RBFOX3: variants seen among roughly 807,000 people sequenced by gnomAD.
RBFOX3 encodes the protein RNA binding fox-1 homolog 3.
In RBFOX3, 17 loss-of-function variants were observed where a neutral mutation model predicts 48.7. The observed-to-expected ratio is 0.35, with a 90% confidence interval of 0.24 to 0.52. The LOEUF is 0.52. RBFOX3 is among the 20% of genes least tolerant of loss of function. The probability of loss-of-function intolerance (pLI) is 0.94; values close to 1 mark genes in which losing one functional copy is unlikely to be tolerated. For synonymous variants in RBFOX3, 212 were observed against 209.5 expected, an observed-to-expected ratio of 1.01 and a Z score of -0.10; for missense variants, 382 against 497.5, an observed-to-expected ratio of 0.77 and a Z score of 2.21.
chr17:79,229,437 C>T (rs1213536119), intron 4 of RBFOX3, among the ~76,000 whole-genome samples: 1 of 150,898 alleles, frequency 6.6e-6, no homozygotes, highest in Non-Finnish European at 1.5e-5. Flanking sequence ...TGCACATCTG[C>T]AATCCCAGCT....
chr17:79,629,054 C>T, the RBFOX3 span, among the ~76,000 whole-genome samples: 9 of 152,270 alleles, frequency 5.9e-5, no homozygotes, highest in East Asian at 5.8e-4. Context: ...TTGAAGTGAC[C>T]GGCTCTGGGG....
chr17:79,096,572 G>C, intron 12 of RBFOX3, 81 bp downstream of exon 12: 2 of 1,256,456 alleles, frequency 1.6e-6, no homozygotes, highest in Admixed American at 4.1e-5. Flanking sequence ...GGAGCGGGCA[G>C]TGAGAGAGGA....
rs1028041692 is a variant in RBFOX3, at chr17:79,096,768, G to A, written c.821C>T (p.Pro274Leu). ...GGCCGGCTCCGGTGTCTGCTGAGGA[G>A]GGAGGGGGCACGGTGCCAGCCCCGC... ...PWAGLAPCPL[P>L]PQQTPEPAYP... is the part of the protein sequence containing the mutation. Residue 274 changes from proline to leucine, a missense_variant, in exon 12 of 15, where the codon CCT (proline) becomes CTT (leucine). Physicochemically the swap from Pro to Leu is moderately conservative, Grantham distance 98 (BLOSUM62 -3). Coordinates refer to ENST00000693108, the MANE Select transcript of RBFOX3 (RefSeq NM_001350451.2). The A allele has an allele frequency of 2.9e-6, 4 of 1,366,476 alleles. No homozygotes were observed. Among genetic ancestry groups the A allele is most frequent in the South Asian group, 2.5e-5 (2 of 80,322 alleles). The allele number at this position is 1,366,476 out of a possible 1,614,324, so 84.6% of individuals were successfully genotyped here. A position where few individuals can be genotyped will look rare whatever the true frequency, so the allele number is the denominator to read the frequency against.
rs764864036 is a variant in RBFOX3 at position 79,108,955 on chromosome 17, G to A, written c.223-2167C>T. On this transcript the variant is annotated intron_variant, in intron 5 of 14. Coordinates refer to ENST00000693108, the MANE Select transcript of RBFOX3 (RefSeq NM_001350451.2). ...TTCCTGATGCAGCTCTGTCCCCTGC[G>A]TTGAACAGCGAGGATGCAGCACACA... Among the ~76,000 whole-genome samples the A allele has an allele frequency of 1.5e-4, 23 of 152,380 alleles. 1 individual carries two copies. Among genetic ancestry groups the A allele is most frequent in the African/African-American group, 3.4e-4 (14 of 41,594 alleles).
chr17:79,313,632 G>C (rs1346706270), intron 2 of RBFOX3, among the ~76,000 whole-genome samples: 1 of 152,160 alleles, frequency 6.6e-6, no homozygotes, highest in Non-Finnish European at 1.5e-5. Flanking sequence ...TCTTCCTGGA[G>C]ATAAAGTGAG....
At chr17:79,412,443 TG>T (rs2064555898) in intron 2 of RBFOX3, among the ~76,000 whole-genome samples, 1 of 151,992 alleles carries the variant, frequency 6.6e-6, no homozygotes, top group African/African-American at 2.4e-5. Flanking sequence ...GTGTGTGATA[TG>T]TGTGAGCGTA....
chr17:79,223,005 T>G (rs934466421), intron 4 of RBFOX3, among the ~76,000 whole-genome samples: 2 of 152,158 alleles, frequency 1.3e-5, no homozygotes, highest in African/African-American at 2.4e-5. Flanking sequence ...CACCTTTTCC[T>G]GCATGCCCTG....
the RBFOX3 span, among the ~76,000 whole-genome samples, chr17:79,620,293 G>A: frequency 4.9e-5 from 7 of 143,892 alleles, no homozygotes; most frequent in Admixed American, 2.1e-4. Context: ...GCGCACACAC[G>A]CACACACGCA....
chr17:79,614,912 A>G (rs1226973880), upstream of RBFOX3, among the ~76,000 whole-genome samples: 1 of 152,136 alleles, frequency 6.6e-6, no homozygotes, highest in Non-Finnish European at 1.5e-5. Context: ...CGACCCCCAT[A>G]GGGCCCCCAG....
intron 4 of RBFOX3, 165 bp downstream of exon 4, chr17:79,235,601 C>G (rs1397056351): frequency 6.5e-6 from 1 of 153,404 alleles, no homozygotes; most frequent in African/African-American, 2.4e-5. Context: ...CACAGAGGTG[C>G]TAAACGGCGC....
rs1166025950 is a variant in RBFOX3 at position 79,299,778 on chromosome 17, G to C, written c.-74+7946C>G. ...TAGGACAGACGCAAACAGAGGGATG[G>C]CCACATAAGGACATGGAGAAGACGG... On this transcript the variant is annotated intron_variant, in intron 3 of 14. Coordinates refer to ENST00000693108, the MANE Select transcript of RBFOX3 (RefSeq NM_001350451.2). This position sits in a 1 kb window ranked among gnomAD's most constrained non-coding sequence, Gnocchi z 4.5. 6.6e-6 allele frequency among the ~76,000 whole-genome samples: 1 copy of C among 152,212 alleles called. No homozygotes were observed. Among genetic ancestry groups the C allele is most frequent in the Non-Finnish European group, 1.5e-5 (1 of 68,044 alleles).
chr17:79,547,867 C>T (rs1384304919), intron 1 of RBFOX3, among the ~76,000 whole-genome samples: 1 of 152,182 alleles, frequency 6.6e-6, no homozygotes, highest in Non-Finnish European at 1.5e-5. Flanking sequence ...TAGCCAACAT[C>T]CCGGCACCCC....
At chr17:79,224,811 T>C (rs1000817227) in intron 4 of RBFOX3, among the ~76,000 whole-genome samples, 1 of 152,252 alleles carries the variant, frequency 6.6e-6, no homozygotes, top group African/African-American at 2.4e-5. Flanking sequence ...CTTTCTCTTG[T>C]ACTCATCCAA....
chr17:79,541,818 C>T (rs1184841472), intron 1 of RBFOX3, among the ~76,000 whole-genome samples: 1 of 152,098 alleles, frequency 6.6e-6, no homozygotes, highest in Admixed American at 6.5e-5. Flanking sequence ...GACAGAGTCC[C>T]TCTTGGTTCT....
At chr17:79,444,460 T>C (rs2071815365) in intron 2 of RBFOX3, among the ~76,000 whole-genome samples, 1 of 152,100 alleles carries the variant, frequency 6.6e-6, no homozygotes, top group Non-Finnish European at 1.5e-5. Flanking sequence ...CATGAAGTCT[T>C]GAGCCAGCCC....
At chr17:79,512,973 A>G (rs1456358610) in intron 1 of RBFOX3, among the ~76,000 whole-genome samples, 50 of 99,878 alleles carry the variant, frequency 5.0e-4, no homozygotes, top group South Asian at 1.1e-3. Context: ...ACACCCACCC[A>G]GATACATGTT....
chr17:79,494,950 G>T (rs1452749537), intron 1 of RBFOX3, among the ~76,000 whole-genome samples: 1 of 152,204 alleles, frequency 6.6e-6, no homozygotes, highest in South Asian at 2.1e-4. Flanking sequence ...GCTGGGCCCC[G>T]AGGAGGACTT....
chr17:79,118,651 T>TC (rs1392836754), intron 4 of RBFOX3, among the ~76,000 whole-genome samples: 1 of 151,920 alleles, frequency 6.6e-6, no homozygotes, highest in African/African-American at 2.4e-5. Context: ...AGCAACCCCC[T>TC]CCTCCACCTC....
chr17:79,207,127 T>C lies in RBFOX3; in HGVS notation c.-34+28639A>G, dbSNP rs892051126. ...TCTCCCCAGTAGAAGAGTTTCCAAA[T>C]GCTTACTGGGTTAAAAGTGCCTCTG... On this transcript the variant is annotated intron_variant, in intron 4 of 14. Transcript: ENST00000693108. Among the ~76,000 whole-genome samples the C allele has an allele frequency of 2.0e-5, 3 of 152,214 alleles. No individual in the cohort carries two copies. In the East Asian group the frequency reaches 5.8e-4, roughly 29 times the overall value.
Sources: allele counts gnomAD v4.1 joint callset (sites outside exome capture counted in the v4.1 genomes callset), GRCh38; gene constraint gnomAD v4.1.1; non-coding constraint Gnocchi (gnomAD v3.1); transcripts MANE v1.5; gene names NCBI Gene and HGNC (gene_info 2026-07-23, HGNC 2026-07-21).